The following COG6 variants were observed in gnomAD, a reference collection of about 807,000 sequenced individuals.
COG6 encodes conserved oligomeric Golgi complex subunit 6.
In COG6, 74 loss-of-function variants were observed where a neutral mutation model predicts 88.8. That is an observed-to-expected ratio of 0.83 (90% CI 0.69 to 1.01). The LOEUF (loss-of-function observed/expected upper bound fraction) is 1.01, where lower values mean the gene tolerates loss of function less well. Ranked by LOEUF, COG6 falls within the 50% of genes least tolerant of loss-of-function variation. COG6 has a pLI of 0.00. For missense variants in COG6, 800 were observed against 797.9 expected (o/e 1.00, Z -0.03); for synonymous variants, 286 against 278.7 (o/e 1.03, Z -0.26).
intron 11 of COG6, among the ~76,000 whole-genome samples, chr13:39,691,647 T>C (rs1184112413): frequency 1.3e-5 from 2 of 151,974 alleles, no homozygotes; most frequent in Non-Finnish European, 2.9e-5. Context: ...CTTCCTTATA[T>C]ACTGATAGAC....
chr13:39,723,354 C>T lies in COG6; in HGVS notation c.1606C>T (p.Leu536Phe). 6.2e-7 allele frequency: 1 copy of T among 1,608,640 alleles called. No homozygotes were observed. The highest frequency in any genetic ancestry group is 8.5e-7 in the Non-Finnish European group (1 of 1,175,370). ...TTAGATCGAAGCACATTTGGACACA[C>T]TTATAAATGAGCAAGCCTCTTATGT... The part of the protein sequence containing the change: ...QFQIEAHLDT[L>F]INEQASYVLT... Residue 536 changes from leucine (L) to phenylalanine (F), a missense_variant, in exon 16 of 19, where the codon CTT becomes TTT. Transcript: ENST00000455146.
intron 4 of COG6, among the ~76,000 whole-genome samples, chr13:39,667,323 TTC>T (rs1875336833): frequency 6.6e-6 from 1 of 152,208 alleles, no homozygotes; most frequent in Non-Finnish European, 1.5e-5. Context: ...ACTAACTACC[TTC>T]TCTTTCACTA....
rs527659072 is a variant in COG6, at chr13:39,712,089, A to G, written c.1285-7147A>G. On this transcript the variant is annotated intron_variant, in intron 13 of 18. Transcript: ENST00000455146. The stretch of plus-strand genomic sequence containing the variant: ...TGGCCAGGTTGGTCTCGAACTCCTG[A>G]CCTCAGGCGATCTGCCCGCCTCGGC... Among the ~76,000 whole-genome samples, 3 of 152,232 alleles carry G rather than the reference A, an allele frequency of 2.0e-5. No individual in the cohort carries two copies. In the South Asian group the frequency reaches 6.2e-4, roughly 32 times the overall value.
chr13:39,662,985 A>C lies in COG6; in HGVS notation c.369+2104A>C, dbSNP rs1003009812. The stretch of plus-strand genomic sequence containing the variant: ...TAATATTTTCTGAAATGCTTTGACT[A>C]TGGTACCTTTTAGAAATTATTAGAA... On this transcript the variant is annotated intron_variant, in intron 3 of 18. Coordinates refer to ENST00000455146, the MANE Select transcript of COG6 (RefSeq NM_020751.3). 7.9e-5 allele frequency among the ~76,000 whole-genome samples: 12 copies of C among 152,034 alleles called. No individual in the cohort carries two copies. The Middle Eastern group carries it at 0.015, about 186-fold the overall frequency.
intron 18 of COG6, among the ~76,000 whole-genome samples, chr13:39,731,495 A>G (rs1345970053): frequency 1.3e-5 from 2 of 152,216 alleles, no homozygotes; most frequent in Non-Finnish European, 2.9e-5. Flanking sequence ...TAGAGTTTGG[A>G]CTACAGAAAC....
intron 4 of COG6, among the ~76,000 whole-genome samples, chr13:39,667,111 A>T (rs983215048): frequency 4.6e-5 from 7 of 152,152 alleles, no homozygotes; most frequent in Non-Finnish European, 1.0e-4. Context: ...TCCATGTAAG[A>T]TTTTGTTTGA....
intron 18 of COG6, among the ~76,000 whole-genome samples, chr13:39,786,825 G>C (rs1033179536): frequency 6.6e-6 from 1 of 152,066 alleles, no homozygotes; most frequent in Non-Finnish European, 1.5e-5. Context: ...TGATTGATTC[G>C]TGTAAGCCCC....
In COG6 at chr13:39,660,735, A is replaced by C. The variant is rs1489762478; in HGVS notation, c.298-75A>C. 6.2e-6 allele frequency: 6 copies of C among 975,110 alleles called. No individual in the cohort carries two copies. The East Asian group carries it at 1.2e-4, about 20-fold the overall frequency. The allele number at this position is 975,110 out of a possible 1,614,324, so 60.4% of individuals were successfully genotyped here. A position where few individuals can be genotyped will look rare whatever the true frequency, so the allele number is the denominator to read the frequency against. ...AAATAAAAAATTATGTAACTAAAAT[A>C]AGGATTTAGCTAACAGAAGAGAATC... On this transcript the variant is annotated intron_variant, in intron 2 of 18. Transcript: ENST00000455146.
chr13:39,724,880 T>C (rs1879050056), intron 17 of COG6, among the ~76,000 whole-genome samples: 1 of 151,960 alleles, frequency 6.6e-6, no homozygotes, highest in South Asian at 2.1e-4. Context: ...AATTAGGCTG[T>C]ATATCATTAT....
intron 15 of COG6, among the ~76,000 whole-genome samples, chr13:39,720,238 T>G (rs931779881): frequency 2.0e-5 from 3 of 152,142 alleles, no homozygotes; most frequent in Non-Finnish European, 4.4e-5. Flanking sequence ...AGAGGACAGA[T>G]ATATTTTTAT....
In COG6 at chr13:39,757,845, A is replaced by G. The variant is rs1176048716; in HGVS notation, c.1826+30297A>G. Among the ~76,000 whole-genome samples the G allele has an allele frequency of 2.0e-5, 3 of 152,356 alleles. No individual in the cohort carries two copies. The East Asian group carries it at 5.8e-4, about 29-fold the overall frequency. On this transcript the variant is annotated intron_variant, in intron 18 of 18. Transcript: ENST00000416691. ...TTCACTGGTGGTTTCACATCCATGT[A>G]TAAGTGGACCCACGCAGTTCAAACC...
chr13:39,719,856 C>G (rs780260046), intron 15 of COG6, 29 bp downstream of exon 15: 1 of 1,555,788 alleles, frequency 6.4e-7, no homozygotes, highest in Non-Finnish European at 8.8e-7. Flanking sequence ...TGACTATTGA[C>G]TATGATTGAA....
At chr13:39,702,658 G>A (rs1246876085) in intron 13 of COG6, among the ~76,000 whole-genome samples, 1 of 151,920 alleles carries the variant, frequency 6.6e-6, no homozygotes, top group African/African-American at 2.4e-5. Context: ...GAACAAGAAT[G>A]CTTGCCAATA....
chr13:39,703,647 T>G (rs1450683702), intron 13 of COG6, among the ~76,000 whole-genome samples: 3 of 152,122 alleles, frequency 2.0e-5, no homozygotes, highest in Non-Finnish European at 4.4e-5. Flanking sequence ...GAAAAAACAT[T>G]TAGAATTTAA....
chr13:39,719,853 T>C (rs769807800), intron 15 of COG6, 26 bp downstream of exon 15: 1 of 1,556,190 alleles, frequency 6.4e-7, no homozygotes, highest in Admixed American at 1.7e-5. Context: ...AAATGACTAT[T>C]GACTATGATT....
intron 13 of COG6, among the ~76,000 whole-genome samples, chr13:39,700,033 T>C (rs1877490509): frequency 6.6e-6 from 1 of 151,832 alleles, no homozygotes; most frequent in African/African-American, 2.4e-5. Flanking sequence ...TATGCTCCTC[T>C]GAGTTATATA....
chr13:39,777,479 T>G (rs552825476), intron 18 of COG6, among the ~76,000 whole-genome samples: 2 of 151,760 alleles, frequency 1.3e-5, no homozygotes, highest in East Asian at 3.9e-4. Flanking sequence ...AATGTGAGAG[T>G]TGTTGGAAGA....
rs549661697 is a variant in COG6 at position 39,746,334 on chromosome 13, C to T, written c.1827-4612C>T. Among the ~76,000 whole-genome samples the T allele has an allele frequency of 2.6e-5, 4 of 151,848 alleles. No individual in the cohort carries two copies. In the East Asian group the frequency reaches 7.8e-4, roughly 29 times the overall value. ...CAGAAACAGTCCTGAAAGTACTTCC[C>T]GTCAGCTATGGACTAGGCTGTGATT... is the stretch of plus-strand genomic sequence containing the variant. On this transcript the variant is annotated intron_variant, in intron 18 of 18. Transcript: ENST00000455146.
downstream of COG6, among the ~76,000 whole-genome samples, chr13:39,754,924 C>T (rs1210446766): frequency 1.3e-5 from 2 of 152,054 alleles, no homozygotes; most frequent in African/African-American, 4.8e-5. Flanking sequence ...AGGTTGAGAG[C>T]ACAGAAAACA....
Sources: gnomAD v4.1 joint callset for allele counts (sites outside exome capture counted in the v4.1 genomes callset) on GRCh38, gnomAD v4.1.1 for gene constraint, MANE v1.5 for transcripts, NCBI Gene and HGNC (gene_info 2026-07-23, HGNC 2026-07-21) for gene names.